The following DDHD2 variants were observed in gnomAD, a reference collection of about 807,000 sequenced individuals.
DDHD2 encodes the protein DDHD domain containing 2.
DDHD2 carries 62 observed loss-of-function variants against 91.2 expected under a neutral mutation model. That is an observed-to-expected ratio of 0.68 (90% CI 0.55 to 0.84). The LOEUF (loss-of-function observed/expected upper bound fraction) is 0.84, where lower values mean the gene tolerates loss of function less well. DDHD2 is among the 40% of genes least tolerant of loss of function. DDHD2 has a pLI of 0.00. For synonymous variants in DDHD2, 271 were observed against 293.9 expected, an observed-to-expected ratio of 0.92 and a Z score of 0.80; for missense variants, 740 against 846.9, an observed-to-expected ratio of 0.87 and a Z score of 1.57.
downstream of DDHD2, chr8:38,264,165 TGA>T: frequency 9.9e-7 from 1 of 1,014,478 alleles, no homozygotes. Context: ...TTTTTTTTTT[TGA>T]GATGGGGTCT....
intron 6 of DDHD2, chr8:38,242,025 G>C: frequency 2.5e-6 from 1 of 406,206 alleles, no homozygotes. Flanking sequence ...CTGCACCCCA[G>C]CTTGGGTTAC....
At chr8:38,240,143 G>A in intron 5 of DDHD2, 132 bp from the exon 6 acceptor site, 1 of 442,142 alleles carries the variant, frequency 2.3e-6, no homozygotes, top group Non-Finnish European at 4.0e-6. Context: ...GGTACTTAAA[G>A]GACTATTTTG....
At chr8:38,238,845 C>T in intron 5 of DDHD2, 2 of 362,876 alleles carry the variant, frequency 5.5e-6, no homozygotes, top group Non-Finnish European at 7.7e-6. Context: ...TTAGGAAATA[C>T]ACATTATGGT....
Position 38,261,308 on chromosome 8 carries a change from G to A in DDHD2, c.*735G>A, listed in dbSNP as rs1307039861. ...TGCATCTTTATAAAGCAAAGATGTT[G>A]TATATCCTAGGCCTCCCTTTTATAT... On this transcript the variant is annotated 3_prime_UTR_variant, in exon 18 of 18. Coordinates refer to ENST00000397166, the MANE Select transcript of DDHD2 (RefSeq NM_015214.3). 6.6e-6 allele frequency: 1 copy of A among 152,194 alleles called. No homozygotes were observed. The highest frequency in any genetic ancestry group is 2.4e-5 in the African/African-American group (1 of 41,450). The allele number at this position is 152,194 out of a possible 1,614,324, so 9.4% of individuals were successfully genotyped here.
chr8:38,238,649 A>G, intron 5 of DDHD2: 3 of 977,680 alleles, frequency 3.1e-6, no homozygotes, highest in Non-Finnish European at 3.6e-6. Context: ...GGATTATAAT[A>G]TTCCTTTTTT....
chr8:38,245,710 T>C (rs748032651), intron 7 of DDHD2, 32 bp from the exon 8 acceptor site: 1 of 1,591,118 alleles, frequency 6.3e-7, no homozygotes, highest in African/African-American at 1.3e-5. Flanking sequence ...TGTATTTAGG[T>C]TTCCTGCTTA....
exon 2 of DDHD2, chr8:38,271,125 T>C (rs1808459790): frequency 6.6e-6 from 1 of 151,782 alleles, no homozygotes; most frequent in Non-Finnish European, 1.5e-5. Flanking sequence ...CATGCAGGAG[T>C]CTCTTCCTCA....
chr8:38,253,853 G>A (rs1806303124), intron 16 of DDHD2, 135 bp downstream of exon 16: 1 of 858,778 alleles, frequency 1.2e-6, no homozygotes, highest in East Asian at 2.5e-5. Context: ...GCCAAGGTGG[G>A]AGGATTGCTT....
At chr8:38,257,600 C>T (rs1409386713) in intron 16 of DDHD2, among the ~76,000 whole-genome samples, 2 of 149,584 alleles carry the variant, frequency 1.3e-5, no homozygotes, top group Non-Finnish European at 3.0e-5. Flanking sequence ...TTTTTGGTTT[C>T]TGGAATTTGT....
chr8:38,244,592 G>A (rs976518021), intron 7 of DDHD2, among the ~76,000 whole-genome samples: 1 of 149,358 alleles, frequency 6.7e-6, no homozygotes. Context: ...TTGAGACAGA[G>A]TCTTGCACTG....
At chr8:38,237,431 G>A in intron 3 of DDHD2, 107 bp from the exon 4 acceptor site, 1 of 582,032 alleles carries the variant, frequency 1.7e-6, no homozygotes, top group Non-Finnish European at 3.1e-6. Flanking sequence ...ATAAATTGGA[G>A]TAGGATATTC....
At chr8:38,252,685 A>T in intron 13 of DDHD2, 37 bp from the exon 14 acceptor site, 1 of 1,400,032 alleles carries the variant, frequency 7.1e-7, no homozygotes, top group Non-Finnish European at 1.0e-6. Flanking sequence ...GACTGTGCTT[A>T]GCAGAGGTAA....
At position 38,238,159 on chromosome 8, in the gene DDHD2, C is replaced by G. The variant is rs577518196; in HGVS notation, c.572C>G (p.Pro191Arg). ...WGSTPTEQGR[P>R]RTVKRGVENI... ...TCAACACCCACGGAGCAGGGTCGACCAAGAACTGTGAAGAGAGGAGTTGAG... is the reference window on the plus strand; with the variant it reads ...TCAACACCCACGGAGCAGGGTCGACGAAGAACTGTGAAGAGAGGAGTTGAG... Residue 191 changes from proline (P) to arginine (R), a missense_variant, in exon 5 of 18, where the codon CCA becomes CGA. By Grantham distance (103) the Pro-to-Arg change is moderately radical (BLOSUM62 -2). Transcript: ENST00000397166. The G allele has an allele frequency of 3.1e-6, 5 of 1,614,078 alleles. No individual in the cohort carries two copies. Among genetic ancestry groups the G allele is most frequent in the Non-Finnish European group, 4.2e-6 (5 of 1,179,998 alleles).
chr8:38,242,452 G>T, intron 7 of DDHD2, 67 bp downstream of exon 7: 1 of 1,533,682 alleles, frequency 6.5e-7, no homozygotes, highest in Non-Finnish European at 8.8e-7. Flanking sequence ...GCTATGCTTG[G>T]GGACGTTTTT....
chr8:38,236,111 C>T (rs376930258), intron 3 of DDHD2, among the ~76,000 whole-genome samples: 37 of 152,140 alleles, frequency 2.4e-4, no homozygotes, highest in African/African-American at 8.9e-4. Flanking sequence ...CTCCTGGGTT[C>T]TTGCCATTCT....
chr8:38,237,720 G>A (rs956226656), intron 4 of DDHD2, 93 bp downstream of exon 4: 49 of 660,394 alleles, frequency 7.4e-5, no homozygotes, highest in Non-Finnish European at 1.1e-4. Context: ...CTCTGTGTAG[G>A]ATAACCTTTG....
At chr8:38,235,065 A>G (rs554512900) in intron 3 of DDHD2, among the ~76,000 whole-genome samples, 1 of 152,312 alleles carries the variant, frequency 6.6e-6, no homozygotes, top group African/African-American at 2.4e-5. Flanking sequence ...AAAAGATATG[A>G]ATTAGATTCC....
intron 7 of DDHD2, among the ~76,000 whole-genome samples, chr8:38,243,837 T>C (rs1020726618): frequency 1.3e-5 from 2 of 151,190 alleles, no homozygotes; most frequent in Non-Finnish European, 3.0e-5. Context: ...GATGGAGTTT[T>C]GCTCTTGTCC....
At chr8:38,264,716 T>A, downstream of DDHD2, 2 of 1,436,366 alleles carry the variant, frequency 1.4e-6, no homozygotes, top group South Asian at 3.0e-5. Flanking sequence ...GGGGCTAAAA[T>A]AACCTCAATT....
Sources: allele counts gnomAD v4.1 joint callset (sites outside exome capture counted in the v4.1 genomes callset), GRCh38; gene constraint gnomAD v4.1.1; transcripts MANE v1.5; gene names NCBI Gene and HGNC (gene_info 2026-07-23, HGNC 2026-07-21).